Variants in PTPRO observed in about 807,000 individuals in gnomAD.
PTPRO encodes the protein receptor-type tyrosine-protein phosphatase O.
Under a neutral mutation model 145.2 loss-of-function variants are expected in PTPRO, and 62 were observed. The ratio of observed to expected loss-of-function variants is 0.43; its 90% CI spans 0.35 to 0.53. PTPRO has a LOEUF of 0.53. Ranked by LOEUF, PTPRO falls within the 20% of genes least tolerant of loss-of-function variation. The probability of loss-of-function intolerance (pLI) is 0.01; values close to 1 mark genes in which losing one functional copy is unlikely to be tolerated. For synonymous variants in PTPRO, 565 were observed against 514.7 expected (o/e 1.10, Z -1.32); for missense variants, 1,345 against 1,482.7 (o/e 0.91, Z 1.53).
At chr12:15,394,955 A>T (rs1939295348) in intron 1 of PTPRO, among the ~76,000 whole-genome samples, 1 of 152,218 alleles carries the variant, frequency 6.6e-6, no homozygotes, top group African/African-American at 2.4e-5. Context: ...GAACTCTAGT[A>T]ACACTACTAT....
intron 7 of PTPRO, among the ~76,000 whole-genome samples, chr12:15,515,091 T>C (rs1942548436): frequency 6.6e-6 from 1 of 152,136 alleles, no homozygotes; most frequent in Non-Finnish European, 1.5e-5. Flanking sequence ...TAATTAGATA[T>C]TATATGCTTC....
intron 1 of PTPRO, among the ~76,000 whole-genome samples, chr12:15,418,619 GA>G (rs1940048862): frequency 6.6e-6 from 1 of 151,716 alleles, no homozygotes; most frequent in Non-Finnish European, 1.5e-5. Flanking sequence ...GCATCATAGA[GA>G]AAAGGGGATT....
intron 10 of PTPRO, among the ~76,000 whole-genome samples, chr12:15,523,466 TTTTTA>T (rs1448504826): frequency 7.9e-5 from 12 of 152,184 alleles, no homozygotes; most frequent in African/African-American, 2.4e-4. Flanking sequence ...GTTGGCAAAT[TTTTTA>T]TTTTATTTAT....
chr12:15,509,310 T>C (rs1942387387), intron 7 of PTPRO, among the ~76,000 whole-genome samples: 1 of 152,054 alleles, frequency 6.6e-6, no homozygotes, highest in African/African-American at 2.4e-5. Context: ...TGTTTGTTTG[T>C]TTGTTTTACT....
At chr12:15,361,492 A>G (rs1938210582) in intron 1 of PTPRO, among the ~76,000 whole-genome samples, 2 of 151,780 alleles carry the variant, frequency 1.3e-5, no homozygotes, top group African/African-American at 4.8e-5. Flanking sequence ...AATTCAGAAC[A>G]TGTATCCAAC....
chr12:15,461,166 C>T (rs1045464143), intron 1 of PTPRO, among the ~76,000 whole-genome samples: 1 of 152,164 alleles, frequency 6.6e-6, no homozygotes, highest in Non-Finnish European at 1.5e-5. Context: ...GAACTTTGGT[C>T]TCCACAATTC....
At chr12:15,424,690 A>C (rs1368718600) in intron 1 of PTPRO, among the ~76,000 whole-genome samples, 5 of 151,952 alleles carry the variant, frequency 3.3e-5, no homozygotes, top group African/African-American at 1.2e-4. Context: ...CAGAAGAAAA[A>C]CATCTGAGCT....
chr12:15,557,927 T>C (rs1424365489), intron 16 of PTPRO, among the ~76,000 whole-genome samples: 3 of 152,086 alleles, frequency 2.0e-5, no homozygotes, highest in Non-Finnish European at 2.9e-5. Context: ...TTTTATTTTA[T>C]TTTTTATTGT....
chr12:15,481,964 TA>T (rs1350335281), intron 1 of PTPRO, among the ~76,000 whole-genome samples: 1 of 152,026 alleles, frequency 6.6e-6, no homozygotes. Flanking sequence ...CTCAAAAACC[TA>T]AAAATAGAAC....
At chr12:15,520,447 G>T in intron 10 of PTPRO, 135 bp downstream of exon 10, 1 of 663,550 alleles carries the variant, frequency 1.5e-6, no homozygotes, top group East Asian at 2.8e-5. Flanking sequence ...AGATAATATT[G>T]ATTCTGATCA....
intron 1 of PTPRO, among the ~76,000 whole-genome samples, chr12:15,393,840 A>G (rs60023910): frequency 0.19 from 28,260 of 152,058 alleles, 2,728 homozygotes; most frequent in South Asian, 0.22. Flanking sequence ...TTACAATTTT[A>G]GAAGCTAGGA....
chr12:15,588,916 G>A (rs961660149), intron 24 of PTPRO, among the ~76,000 whole-genome samples: 48 of 152,166 alleles, frequency 3.2e-4, no homozygotes, highest in African/African-American at 9.7e-5. Context: ...TCTCAGGAAC[G>A]TAGCCATGAT....
Position 15,556,961 on chromosome 12 carries a change from GT to G in PTPRO, c.2559-490del, listed in dbSNP as rs1445526073. On this transcript the variant is annotated intron_variant, in intron 15 of 26. Coordinates refer to ENST00000281171, the MANE Select transcript of PTPRO (RefSeq NM_030667.3). ...AACTTGCAAAAGATTATTTCTTTTC[GT>G]TTTAGCTTTCTGTTTTGCATTGTAT... 1.1e-4 allele frequency among the ~76,000 whole-genome samples: 17 copies of G among 151,154 alleles called. 1 individual carries two copies. Among genetic ancestry groups the G allele is most frequent in the African/African-American group, 3.6e-4 (15 of 41,194 alleles).
At chr12:15,509,980 T>C (rs187015289) in intron 7 of PTPRO, among the ~76,000 whole-genome samples, 1 of 152,290 alleles carries the variant, frequency 6.6e-6, no homozygotes, top group Admixed American at 6.5e-5. Context: ...CTTATGTTTT[T>C]ACAAGGTCAA....
intron 7 of PTPRO, among the ~76,000 whole-genome samples, chr12:15,511,401 A>T (rs1471974830): frequency 2.0e-5 from 3 of 152,172 alleles, no homozygotes; most frequent in Non-Finnish European, 4.4e-5. Context: ...GGAGGATGGA[A>T]ATTAGTGTTT....
intron 1 of PTPRO, among the ~76,000 whole-genome samples, chr12:15,463,335 C>A (rs188807775): frequency 3.4e-4 from 52 of 152,278 alleles, no homozygotes; most frequent in Non-Finnish European, 6.0e-4. Flanking sequence ...GGTGAATGAA[C>A]AGCCACTGCA....
At chr12:15,374,205 T>TTTCCTTCC in intron 1 of PTPRO, among the ~76,000 whole-genome samples, 4 of 152,092 alleles carry the variant, frequency 2.6e-5, no homozygotes. Flanking sequence ...GGAAACTGGG[T>TTTCCTTCC]CACTGAAATA....
intron 11 of PTPRO, among the ~76,000 whole-genome samples, chr12:15,525,578 A>G (rs1036078332): frequency 6.6e-6 from 1 of 152,142 alleles, no homozygotes; most frequent in Non-Finnish European, 1.5e-5. Context: ...CATTACATGC[A>G]TGTTCCAGCC....
At chr12:15,453,795 G>A (rs1348191970) in intron 1 of PTPRO, among the ~76,000 whole-genome samples, 1 of 152,086 alleles carries the variant, frequency 6.6e-6, no homozygotes, top group East Asian at 1.9e-4. Context: ...GTGTTTGACT[G>A]TTTTAGATAC....
Sources: allele counts gnomAD v4.1 joint callset (sites outside exome capture counted in the v4.1 genomes callset), GRCh38; gene constraint gnomAD v4.1.1; transcripts MANE v1.5; gene names NCBI Gene and HGNC (gene_info 2026-07-23, HGNC 2026-07-21).